The following C1QTNF7 variants were observed in gnomAD, a reference collection of about 807,000 sequenced individuals.
The protein encoded by C1QTNF7 is complement C1q tumor necrosis factor-related protein 7.
C1QTNF7 carries 15 observed loss-of-function variants against 19.6 expected under a neutral mutation model. The observed-to-expected ratio is 0.76, with a 90% confidence interval of 0.51 to 1.18. C1QTNF7 has a LOEUF of 1.18. C1QTNF7 is among the 50% of genes most tolerant of loss of function. C1QTNF7 has a pLI of 0.00. For missense variants in C1QTNF7, 324 were observed against 359.7 expected (o/e 0.90, Z 0.80); for synonymous variants, 142 against 137.5 (o/e 1.03, Z -0.23).
intron 1 of C1QTNF7, among the ~76,000 whole-genome samples, chr4:15,419,688 T>A (rs981777345): frequency 1.3e-5 from 2 of 152,186 alleles, no homozygotes. Context: ...ATACAAATAG[T>A]TCCATAGGAC....
rs1712856269 is a variant in C1QTNF7 at position 15,443,182 on chromosome 4, T to C, written c.*383T>C. 6.3e-6 allele frequency: 1 copy of C among 159,362 alleles called. No individual in the cohort carries two copies. The highest frequency in any genetic ancestry group is 6.2e-5 in the Admixed American group (1 of 16,126). 9.9% of individuals were successfully genotyped at this position (159,362 alleles called of 1,614,324 possible). On this transcript the variant is annotated 3_prime_UTR_variant, in exon 3 of 3. Transcript: ENST00000444304. Reference sequence around the variant, plus strand: ...GAAAAACATAACATCCCAAAATCTTTGACAATTCTCGAAAGGCTATATAGT... The same window carrying C: ...GAAAAACATAACATCCCAAAATCTTCGACAATTCTCGAAAGGCTATATAGT...
chr4:15,399,211 G>A, intron 1 of C1QTNF7, among the ~76,000 whole-genome samples: 1 of 152,168 alleles, frequency 6.6e-6, no homozygotes, highest in East Asian at 1.9e-4. Flanking sequence ...TTGGGAAACT[G>A]CCCTTCCCTG....
At chr4:15,394,407 G>A (rs963710378) in intron 1 of C1QTNF7, among the ~76,000 whole-genome samples, 7 of 152,252 alleles carry the variant, frequency 4.6e-5, no homozygotes, top group Admixed American at 2.0e-4. Flanking sequence ...ATGCTAGGCA[G>A]AGAAAGGTAT....
At chr4:15,366,498 G>T (rs948756026) in intron 1 of C1QTNF7, among the ~76,000 whole-genome samples, 4 of 152,156 alleles carry the variant, frequency 2.6e-5, no homozygotes, top group African/African-American at 9.7e-5. Context: ...TGCAGTTACA[G>T]CATCTAACCC....
Position 15,442,412 on chromosome 4 carries a change from A to G in C1QTNF7, c.483A>G (p.Glu161=). ...SVGITTSYPE[E]RLPIIFNKVL... ...GCATCACAACCAGCTACCCAGAAGAAAGACTACCTATTATATTTAACAAGG... is the reference window on the plus strand; with the variant it reads ...GCATCACAACCAGCTACCCAGAAGAGAGACTACCTATTATATTTAACAAGG... The change falls in exon 3 of 3, where the codon GAA becomes GAG. Residue 161 remains glutamate, a synonymous_variant. Transcript: ENST00000444304. The G allele has an allele frequency of 6.2e-7, 1 of 1,614,180 alleles. No individual in the cohort carries two copies. The highest frequency in any genetic ancestry group is 8.5e-7 in the Non-Finnish European group (1 of 1,180,026).
chr4:15,371,567 C>T (rs1717728702), intron 1 of C1QTNF7, among the ~76,000 whole-genome samples: 1 of 152,082 alleles, frequency 6.6e-6, no homozygotes. Context: ...AAATATATAC[C>T]TATTGCTATA....
At chr4:15,410,194 A>G (rs1053157585) in intron 1 of C1QTNF7, among the ~76,000 whole-genome samples, 1 of 152,140 alleles carries the variant, frequency 6.6e-6, no homozygotes, top group Non-Finnish European at 1.5e-5. Context: ...CTTCCACACT[A>G]TTTTGGAGCT....
intron 1 of C1QTNF7, among the ~76,000 whole-genome samples, chr4:15,412,126 C>G (rs1221362010): frequency 6.6e-6 from 1 of 152,078 alleles, no homozygotes; most frequent in Non-Finnish European, 1.5e-5. Flanking sequence ...GCATCTAATG[C>G]CCGATGATCT....
intron 1 of C1QTNF7, among the ~76,000 whole-genome samples, chr4:15,430,848 G>T (rs1156846377): frequency 1.3e-5 from 2 of 152,048 alleles, no homozygotes; most frequent in Non-Finnish European, 2.9e-5. Context: ...GTGAAAAAAT[G>T]AAACAAAAAA....
intron 1 of C1QTNF7, among the ~76,000 whole-genome samples, chr4:15,362,245 G>T (rs917359762): frequency 4.6e-5 from 7 of 152,084 alleles, no homozygotes; most frequent in African/African-American, 1.7e-4. Context: ...GAGCTGACCT[G>T]GGAGGTCCTC....
intron 1 of C1QTNF7, among the ~76,000 whole-genome samples, chr4:15,347,663 G>A (rs1712953033): frequency 6.6e-6 from 1 of 152,162 alleles, no homozygotes; most frequent in East Asian, 1.9e-4. Flanking sequence ...GCAAGAAGGT[G>A]TACAGAGTTC....
rs1712917729 is a variant in C1QTNF7 at position 15,444,501 on chromosome 4, G to A, written c.*1702G>A. On this transcript the variant is annotated 3_prime_UTR_variant, in exon 3 of 3. Coordinates refer to ENST00000444304, the MANE Select transcript of C1QTNF7 (RefSeq NM_031911.5). ...GGCACTCTTCACTTCCCAGACAGAG[G>A]GGCGGCCGGGCAGAGGTGCTCCTCA... is the stretch of plus-strand genomic sequence containing the variant. The A allele has an allele frequency of 6.6e-6, 1 of 151,802 alleles. No homozygotes were observed. The highest frequency in any genetic ancestry group is 1.5e-5 in the Non-Finnish European group (1 of 67,976). 9.4% of individuals were successfully genotyped at this position (151,802 alleles called of 1,614,324 possible). A position where few individuals can be genotyped will look rare whatever the true frequency, so the allele number is the denominator to read the frequency against.
chr4:15,355,736 C>A (rs1329009900), intron 1 of C1QTNF7, among the ~76,000 whole-genome samples: 2 of 152,192 alleles, frequency 1.3e-5, no homozygotes, highest in African/African-American at 4.8e-5. Context: ...CCTGTGGTTG[C>A]TGGTCTTTGG....
intron 1 of C1QTNF7, among the ~76,000 whole-genome samples, chr4:15,354,908 C>T (rs969662385): frequency 1.3e-5 from 2 of 152,118 alleles, no homozygotes; most frequent in Non-Finnish European, 2.9e-5. Flanking sequence ...AGACATGTTG[C>T]CTCACCCCAT....
chr4:15,435,755 G>A lies in C1QTNF7; in HGVS notation c.12G>A (p.Leu4=), dbSNP rs148016047. The A allele has an allele frequency of 3.1e-6, 5 of 1,614,116 alleles. No homozygotes were observed. The African/African-American group carries it at 5.3e-5, about 17-fold the overall frequency. The change falls in exon 2 of 3, where the codon TTG becomes TTA. Residue 4 remains leucine (L), a synonymous_variant. Transcript: ENST00000444304. MFV[L]LYVTSFAICA... ...TTCCAGAGCCAAAGATGTTTGTCTT[G>A]CTCTATGTTACAAGTTTTGCCATTT...
In C1QTNF7 at chr4:15,361,719, T is replaced by G. The variant is rs117647811; in HGVS notation, c.13+21512T>G. 1.3e-3 allele frequency among the ~76,000 whole-genome samples: 200 copies of G among 152,272 alleles called. 4 individuals carry two copies. The East Asian group carries it at 0.037, about 28-fold the overall frequency. ...TCATTCTAAGAATTTAATATTGAATTTCAAAACCCAAATGGCATAAATAAA... is the reference window on the plus strand; with the variant it reads ...TCATTCTAAGAATTTAATATTGAATGTCAAAACCCAAATGGCATAAATAAA... On this transcript the variant is annotated intron_variant, in intron 1 of 2. Transcript: ENST00000295297.
intron 1 of C1QTNF7, among the ~76,000 whole-genome samples, chr4:15,367,810 T>A (rs1717579084): frequency 8.6e-6 from 1 of 116,898 alleles, no homozygotes; most frequent in South Asian, 2.6e-4. Flanking sequence ...GCCAGGAAAC[T>A]TGTTTTTATT....
At chr4:15,342,193 C>T (rs1716567027) in intron 1 of C1QTNF7, among the ~76,000 whole-genome samples, 2 of 152,122 alleles carry the variant, frequency 1.3e-5, no homozygotes, top group Admixed American at 6.6e-5. Flanking sequence ...TCCTCGCCTC[C>T]GAGAGGCTGG....
At chr4:15,436,369 C>T (rs550753684) in intron 2 of C1QTNF7, among the ~76,000 whole-genome samples, 231 of 152,208 alleles carry the variant, frequency 1.5e-3, no homozygotes, top group African/African-American at 5.0e-3. Flanking sequence ...GATGTGCAAG[C>T]GCATGGATGG....
Sources: allele counts gnomAD v4.1 joint callset (sites outside exome capture counted in the v4.1 genomes callset), GRCh38; gene constraint gnomAD v4.1.1; transcripts MANE v1.5; gene names NCBI Gene and HGNC (gene_info 2026-07-23, HGNC 2026-07-21).